COL6A5: variants seen among roughly 807,000 people sequenced by gnomAD.
COL6A5 encodes collagen alpha-5(VI) chain.
COL6A5 carries 48 observed loss-of-function variants against 65.6 expected under a neutral mutation model. The observed-to-expected ratio is 0.73, with a 90% CI of 0.58 to 0.93. COL6A5 has a LOEUF of 0.93. COL6A5 is among the 40% of genes least tolerant of loss of function. The pLI, the probability that COL6A5 is intolerant of heterozygous loss-of-function variation, is 0.00. For missense variants in COL6A5, 914 were observed against 928.3 expected, an observed-to-expected ratio of 0.98 and a Z score of 0.20; for synonymous variants, 291 against 322.8, an observed-to-expected ratio of 0.90 and a Z score of 1.05.
intron 7 of COL6A5, 66 bp from the exon 41 acceptor site, chr3:130,483,969 C>T: frequency 8.4e-6 from 12 of 1,424,484 alleles, no homozygotes; most frequent in Non-Finnish European, 1.2e-5. Flanking sequence ...AAGGAGTAGG[C>T]CCTGGAGGAA....
chr3:130,379,611 T>A (rs2107641384), exon 4 of COL6A5: 1 of 1,551,466 alleles, frequency 6.4e-7, no homozygotes, highest in Non-Finnish European at 8.7e-7. Context: ...AGACTATTTC[T>A]TTTCTTAAAT....
chr3:130,426,158 A>C, intron 29 of COL6A5, 56 bp from the exon 30 acceptor site: 2 of 1,506,294 alleles, frequency 1.3e-6, no homozygotes, highest in Non-Finnish European at 1.8e-6. Flanking sequence ...TTATTACTAA[A>C]GACTAAAGAC....
chr3:130,446,413 A>G (rs1208844380), intron 4 of COL6A5, among the ~76,000 whole-genome samples: 2 of 152,182 alleles, frequency 1.3e-5, no homozygotes, highest in Admixed American at 6.5e-5. Context: ...AACCTAGTGT[A>G]AGTGAGATTC....
intron 7 of COL6A5, among the ~76,000 whole-genome samples, chr3:130,483,578 T>C (rs1710304255): frequency 6.6e-6 from 1 of 152,016 alleles, no homozygotes; most frequent in African/African-American, 2.4e-5. Flanking sequence ...CCTCAAAGAA[T>C]AATAGGTGCT....
At chr3:130,439,440 T>G (rs562147050) in intron 1 of COL6A5, 82 bp from the exon 34 acceptor site, 1 of 1,016,758 alleles carries the variant, frequency 9.8e-7, no homozygotes, top group Admixed American at 2.3e-5. Flanking sequence ...GTTGGGTGTT[T>G]TTTAAACTAA....
chr3:130,391,495 C>T, exon 7 of COL6A5: 1 of 1,551,720 alleles, frequency 6.4e-7, no homozygotes, highest in South Asian at 1.2e-5. Flanking sequence ...ATGGCAGCCG[C>T]ATCAAGCAAA....
At chr3:130,391,197 T>A (rs1312930971) in exon 7 of COL6A5, 1 of 1,549,740 alleles carries the variant, frequency 6.5e-7, no homozygotes, top group African/African-American at 1.4e-5. Context: ...AGGATTACAC[T>A]ACTAGACGTT....
At chr3:130,427,930 G>T (rs774627402), upstream of COL6A5, among the ~76,000 whole-genome samples, 5 of 152,034 alleles carry the variant, frequency 3.3e-5, no homozygotes, top group Non-Finnish European at 7.4e-5. Context: ...GAGAACTAGG[G>T]ACTGGGACCA....
At chr3:130,379,777 G>A in exon 4 of COL6A5, 1 of 1,551,420 alleles carries the variant, frequency 6.4e-7, no homozygotes, top group Non-Finnish European at 8.7e-7. Flanking sequence ...TCAGATTGCA[G>A]TTCTGGTCAC....
chr3:130,482,448 C>T (rs1008538230), intron 7 of COL6A5, among the ~76,000 whole-genome samples: 5 of 152,086 alleles, frequency 3.3e-5, no homozygotes, highest in Non-Finnish European at 5.9e-5. Context: ...GTTACTGTAG[C>T]CTTGTAGTAT....
rs763446899 is a variant in COL6A5, at chr3:130,403,685, C to T, written c.4281+23C>T. 14 of 1,538,636 alleles carry T rather than the reference C, an allele frequency of 9.1e-6. No individual in the cohort carries two copies. The South Asian group carries it at 1.4e-4, about 16-fold the overall frequency. On this transcript the variant is annotated intron_variant and NMD_transcript_variant, in intron 13 of 41. Coordinates refer to the COL6A5 transcript ENST00000312481. Reference sequence around the variant, plus strand: ...CCTGTAAGTTTTTATTACTCCCCCTCACCCCCTGTTGCACACACACTGTAC... The same window carrying T: ...CCTGTAAGTTTTTATTACTCCCCCTTACCCCCTGTTGCACACACACTGTAC...
rs567812701 is a variant in COL6A5 at position 130,470,538 on chromosome 3, T to A, written c.2232-333T>A. On this transcript the variant is annotated intron_variant, in intron 6 of 7. Coordinates refer to ENST00000512836, the Ensembl canonical transcript of COL6A5. The stretch of plus-strand genomic sequence containing the variant: ...ACTTAAAGTATAATTAAAAAAAAAA[T>A]AAAATATAAACATTTTTTAAAAAAT... 1.4e-3 allele frequency among the ~76,000 whole-genome samples: 217 copies of A among 151,542 alleles called. 2 individuals carry two copies. The highest frequency in any genetic ancestry group is 4.7e-3 in the African/African-American group (192 of 41,252).
upstream of COL6A5, among the ~76,000 whole-genome samples, chr3:130,428,606 G>A (rs537244379): frequency 2.0e-5 from 3 of 152,248 alleles, no homozygotes; most frequent in East Asian, 1.9e-4. Flanking sequence ...CAAACCCAGC[G>A]GGGTTTCTGC....
At chr3:130,376,886 A>G (rs757039801) in intron 3 of COL6A5, 50 bp downstream of exon 3, 4 of 1,519,380 alleles carry the variant, frequency 2.6e-6, no homozygotes, top group South Asian at 2.6e-5. Context: ...GTGGGTCTAC[A>G]TCTGTCCACT....
rs1936803220 is a variant in COL6A5, at chr3:130,401,175, T to C, written c.4134+2T>C. Reference sequence around the variant, plus strand: ...GGCAAAAAACTATCACAGTACCTGGTGAGTTGTTGAACAAAATCCCCGGTT... The same window carrying C: ...GGCAAAAAACTATCACAGTACCTGGCGAGTTGTTGAACAAAATCCCCGGTT... On this transcript the variant is annotated splice_donor_variant and NMD_transcript_variant, in intron 11 of 41. Transcript: ENST00000312481. 5 of 1,533,196 alleles carry C rather than the reference T, an allele frequency of 3.3e-6. No individual in the cohort carries two copies. Among genetic ancestry groups the C allele is most frequent in the Non-Finnish European group, 4.4e-6 (5 of 1,141,204 alleles). The allele number at this position is 1,533,196 out of a possible 1,614,324, so 95.0% of individuals were successfully genotyped here. A position where few individuals can be genotyped will look rare whatever the true frequency, so the allele number is the denominator to read the frequency against.
chr3:130,440,157 T>C lies in COL6A5; in HGVS notation c.582-9T>C. ...TGAACCAATGATGTGTCTCTCTGTGTGTTTTCAGATAAATGTTTTCCAAAT... is the reference window on the plus strand; with the variant it reads ...TGAACCAATGATGTGTCTCTCTGTGCGTTTTCAGATAAATGTTTTCCAAAT... On this transcript the variant is annotated splice_polypyrimidine_tract_variant and intron_variant, in intron 2 of 7. Transcript: ENST00000512836. 3 of 1,602,938 alleles carry C rather than the reference T, an allele frequency of 1.9e-6. No individual in the cohort carries two copies. Among genetic ancestry groups the C allele is most frequent in the Non-Finnish European group, 2.6e-6 (3 of 1,173,768 alleles).
At chr3:130,401,647 C>A in intron 11 of COL6A5, 115 bp from the exon 12 acceptor site, 2 of 771,540 alleles carry the variant, frequency 2.6e-6, no homozygotes, top group South Asian at 1.7e-5. Context: ...AGCCCCTCAT[C>A]CAAAGGGTGA....
At chr3:130,421,806 T>G (rs1577493335) in intron 27 of COL6A5, among the ~76,000 whole-genome samples, 1 of 152,134 alleles carries the variant, frequency 6.6e-6, no homozygotes, top group South Asian at 2.1e-4. Context: ...CACTTGATTT[T>G]TTTCCAAAGC....
chr3:130,395,901 G>A (rs1436149893), intron 8 of COL6A5, among the ~76,000 whole-genome samples: 3 of 152,150 alleles, frequency 2.0e-5, no homozygotes, highest in Non-Finnish European at 4.4e-5. Flanking sequence ...GTGTGTGTGT[G>A]TGTGTATGTG....
Sources: allele counts gnomAD v4.1 joint callset (sites outside exome capture counted in the v4.1 genomes callset), GRCh38; gene constraint gnomAD v4.1.1; transcripts MANE v1.5; gene names NCBI Gene and HGNC (gene_info 2026-07-23, HGNC 2026-07-21).